The following PRDM11 variants were observed in gnomAD, a reference collection of about 807,000 sequenced individuals.
The protein encoded by PRDM11 is PR/SET domain 11.
Under a neutral mutation model 97.8 loss-of-function variants are expected in PRDM11, and 20 were observed. The observed-to-expected ratio is 0.20, with a 90% CI of 0.14 to 0.30. PRDM11 has a LOEUF of 0.30. Among genes scored for constraint, PRDM11 ranks in the 10% least tolerant of loss-of-function variants. The pLI is 1.00. For missense variants in PRDM11, 1,139 were observed against 1,555.2 expected (o/e 0.73, Z 4.50); for synonymous variants, 599 against 637.7 (o/e 0.94, Z 0.91).
intron 1 of PRDM11, among the ~76,000 whole-genome samples, chr11:45,097,599 T>A (rs916229015): frequency 6.6e-6 from 1 of 152,236 alleles, no homozygotes; most frequent in Non-Finnish European, 1.5e-5. Flanking sequence ...TGAACTCTAC[T>A]GCACACATAG....
chr11:45,096,034 A>G (rs907476228), intron 1 of PRDM11: 6 of 680,810 alleles, frequency 8.8e-6, no homozygotes, highest in Non-Finnish European at 1.6e-5. Flanking sequence ...TAAAGCCCGC[A>G]TTGTCCTTTC....
chr11:45,095,818 G>A, exon 1 of PRDM11: 1 of 770,414 alleles, frequency 1.3e-6, no homozygotes, highest in Non-Finnish European at 2.4e-6. Context: ...GTTGAAGATG[G>A]CAGAGCCAAT....
chr11:45,105,748 T>A (rs1352099126), intron 1 of PRDM11, among the ~76,000 whole-genome samples: 1 of 152,168 alleles, frequency 6.6e-6, no homozygotes, highest in Non-Finnish European at 1.5e-5. Context: ...CACCTCCCTC[T>A]CCCTGGGGGC....
intron 1 of PRDM11, among the ~76,000 whole-genome samples, chr11:45,110,173 C>T (rs554501098): frequency 6.6e-6 from 1 of 152,336 alleles, no homozygotes; most frequent in Admixed American, 6.5e-5. Context: ...AAGCTTCACA[C>T]AAAGAATTTT....
intron 5 of PRDM11, among the ~76,000 whole-genome samples, chr11:45,205,400 G>C (rs182378158): frequency 6.6e-6 from 1 of 152,248 alleles, no homozygotes; most frequent in Admixed American, 6.5e-5. Flanking sequence ...CATGGGTCCA[G>C]CGTGATGCTG....
upstream of PRDM11, among the ~76,000 whole-genome samples, chr11:45,094,338 G>A (rs1233464514): frequency 8.6e-5 from 13 of 151,870 alleles, no homozygotes; most frequent in Admixed American, 5.9e-4. Flanking sequence ...GGAAGGGCCC[G>A]GGACAGATGC....
In PRDM11 at chr11:45,219,705, G is replaced by C. The variant is rs1321930872; in HGVS notation, c.690G>C (p.Met230Ile). The C allele has an allele frequency of 5.0e-6, 8 of 1,613,972 alleles. No homozygotes were observed. In the South Asian group the frequency reaches 7.7e-5, roughly 16 times the overall value. Residue 230 changes from methionine to isoleucine, a missense_variant, in exon 6 of 8, where the codon ATG (methionine) becomes ATC (isoleucine). Transcript: ENST00000683152. The surrounding 1 kb of genome is among the most constrained non-coding windows in gnomAD (Gnocchi z 4.2). ...GGGTCTGGTACAGCGAGGACTACATGAAGCGCCTGCACAGCATGTCCCAGG... is the reference window on the plus strand; with the variant it reads ...GGGTCTGGTACAGCGAGGACTACATCAAGCGCCTGCACAGCATGTCCCAGG... The part of the protein sequence containing the change: ...WLRVWYSEDY[M>I]KRLHSMSQET...
chr11:45,182,020 C>A (rs777305518), intron 2 of PRDM11, 135 bp downstream of exon 2: 2 of 867,146 alleles, frequency 2.3e-6, no homozygotes, highest in Non-Finnish European at 3.5e-6. Flanking sequence ...AGCTCCTGGG[C>A]GCAGGCTCTA....
Position 45,219,398 on chromosome 11 carries a change from G to A in PRDM11, c.555-172G>A, listed in dbSNP as rs536565188. ...CACGGTGACGTTGGGACAGGGATGG[G>A]TTCTGGCTGGTGCTGCTTCTCCGGA... On this transcript the variant is annotated intron_variant, in intron 5 of 7. Transcript: ENST00000683152. The surrounding 1 kb of genome is among the most constrained non-coding windows in gnomAD (Gnocchi z 4.2). 2.0e-5 allele frequency among the ~76,000 whole-genome samples: 3 copies of A among 152,294 alleles called. No homozygotes were observed. The highest frequency in any genetic ancestry group is 2.1e-4 in the South Asian group (1 of 4,818).
chr11:45,172,201 G>A (rs4531454), intron 1 of PRDM11, among the ~76,000 whole-genome samples: 21,333 of 152,172 alleles, frequency 0.14, 1,700 homozygotes, highest in Middle Eastern at 0.22. Flanking sequence ...AGGTGTAGAG[G>A]AAGGGACCTG....
At chr11:45,153,854 T>C (rs1565269593) in intron 1 of PRDM11, among the ~76,000 whole-genome samples, 2 of 152,176 alleles carry the variant, frequency 1.3e-5, no homozygotes, top group Non-Finnish European at 2.9e-5. Flanking sequence ...ACCAGGACAC[T>C]GACAACAGCC....
Position 45,107,885 on chromosome 11 carries a change from A to C in PRDM11, c.96+11984A>C, listed in dbSNP as rs994054937. 2.0e-5 allele frequency among the ~76,000 whole-genome samples: 3 copies of C among 149,918 alleles called. No homozygotes were observed. The East Asian group carries it at 5.9e-4, about 29-fold the overall frequency. ...CGCTCTGTCACCCAGGCTGGAGTGC[A>C]GTGGTGAGAGCTCAACTCATCGCAA... is the stretch of plus-strand genomic sequence containing the variant. On this transcript the variant is annotated intron_variant, in intron 1 of 6. Coordinates refer to the PRDM11 transcript ENST00000530656.
At chr11:45,202,587 G>A (rs187945342) in intron 4 of PRDM11, among the ~76,000 whole-genome samples, 52 of 152,334 alleles carry the variant, frequency 3.4e-4, no homozygotes, top group African/African-American at 1.1e-3. Flanking sequence ...AAACAGTCCT[G>A]TATGTTGCTC....
chr11:45,184,638 T>G (rs1266028491), intron 4 of PRDM11, among the ~76,000 whole-genome samples: 1 of 152,020 alleles, frequency 6.6e-6, no homozygotes, highest in Non-Finnish European at 1.5e-5. Context: ...AATGGTGTCT[T>G]TCTCTGAGAA....
chr11:45,119,617 CTCAAAAAAAA>C (rs1391460575), intron 1 of PRDM11, among the ~76,000 whole-genome samples: 1 of 63,918 alleles, frequency 1.6e-5, no homozygotes, highest in Admixed American at 2.7e-4. Context: ...GAGATTCTGT[CTCAAAAAAAA>C]AAAAAAAAAA....
chr11:45,150,412 G>A (rs971377991), intron 1 of PRDM11, among the ~76,000 whole-genome samples: 2 of 152,206 alleles, frequency 1.3e-5, no homozygotes, highest in African/African-American at 2.4e-5. Flanking sequence ...GTGCTGTTGG[G>A]TTTGCACTTG....
chr11:45,189,371 G>T (rs1852827189), intron 4 of PRDM11, among the ~76,000 whole-genome samples: 1 of 151,010 alleles, frequency 6.6e-6, no homozygotes, highest in South Asian at 2.1e-4. Flanking sequence ...AGCCAGGAAT[G>T]AAGCTAAAAA....
intron 4 of PRDM11, among the ~76,000 whole-genome samples, chr11:45,200,239 G>C (rs1438735209): frequency 6.6e-6 from 1 of 152,182 alleles, no homozygotes; most frequent in Non-Finnish European, 1.5e-5. Flanking sequence ...AGTGGTCTCA[G>C]GCGGTTCCTA....
At chr11:45,120,986 A>G (rs990725853) in intron 1 of PRDM11, among the ~76,000 whole-genome samples, 8 of 152,312 alleles carry the variant, frequency 5.3e-5, no homozygotes, top group African/African-American at 1.9e-4. Flanking sequence ...GGTAGACTGT[A>G]ATAATTCAGG....
Sources: gnomAD v4.1 joint callset for allele counts (sites outside exome capture counted in the v4.1 genomes callset) on GRCh38, gnomAD v4.1.1 for gene constraint, Gnocchi (gnomAD v3.1) non-coding constraint, MANE v1.5 for transcripts, NCBI Gene and HGNC (gene_info 2026-07-23, HGNC 2026-07-21) for gene names.